The following USP25 variants were observed in gnomAD, a reference collection of about 807,000 sequenced individuals.
The protein encoded by USP25 is ubiquitin specific peptidase 25.
USP25 carries 85 observed loss-of-function variants against 158.5 expected under a neutral mutation model. The observed-to-expected ratio is 0.54, with a 90% CI of 0.45 to 0.64. The LOEUF (loss-of-function observed/expected upper bound fraction) is 0.64. Among genes scored for constraint, USP25 ranks in the 30% least tolerant of loss-of-function variants. The pLI is 0.00. For missense variants in USP25, 1,242 were observed against 1,327.3 expected (o/e 0.94, Z 1.00); for synonymous variants, 464 against 460.4 (o/e 1.01, Z -0.10).
chr21:15,743,150 G>A (rs543479617), intron 1 of USP25, among the ~76,000 whole-genome samples: 2 of 152,182 alleles, frequency 1.3e-5, no homozygotes, highest in Non-Finnish European at 2.9e-5. Context: ...TGTGAATGGG[G>A]GTGTATTATG....
Position 15,836,825 on chromosome 21 carries a change from T to G in USP25, c.2194+3277T>G, listed in dbSNP as rs924613557. 5.1e-5 allele frequency among the ~76,000 whole-genome samples: 7 copies of G among 136,274 alleles called. No homozygotes were observed. The East Asian group carries it at 1.2e-3, about 23-fold the overall frequency. The allele number at this position is 136,274 out of a possible 152,430, so 89.4% of individuals were successfully genotyped here. A position where few individuals can be genotyped will look rare whatever the true frequency, so the allele number is the denominator to read the frequency against. On this transcript the variant is annotated intron_variant, in intron 17 of 25. Coordinates refer to ENST00000400183, the MANE Select transcript of USP25 (RefSeq NM_001283041.3). ...TGTTGAGATTTTCAGCCAGCCATCC[T>G]TTGCTGTCAGTGTGTGGATCAGAAT...
chr21:15,739,875 C>CT (rs1367634329), intron 1 of USP25, among the ~76,000 whole-genome samples: 1 of 152,144 alleles, frequency 6.6e-6, no homozygotes, highest in African/African-American at 2.4e-5. Context: ...TTTTGGCAGA[C>CT]TTTAATTAAT....
intron 20 of USP25, among the ~76,000 whole-genome samples, chr21:15,853,171 A>G (rs2038966359): frequency 6.6e-6 from 1 of 152,144 alleles, no homozygotes; most frequent in Non-Finnish European, 1.5e-5. Flanking sequence ...TTTTTAATGT[A>G]GATTTTACTG....
At chr21:15,795,979 C>A (rs2035844045) in intron 5 of USP25, among the ~76,000 whole-genome samples, 1 of 151,492 alleles carries the variant, frequency 6.6e-6, no homozygotes, top group African/African-American at 2.4e-5. Flanking sequence ...GCCATCACTT[C>A]TTTCTTTTTC....
intron 6 of USP25, among the ~76,000 whole-genome samples, chr21:15,803,615 C>T (rs1847289063): frequency 6.6e-6 from 1 of 151,844 alleles, no homozygotes; most frequent in African/African-American, 2.4e-5. Flanking sequence ...ATATGCTTCT[C>T]AGCAGAATTC....
chr21:15,801,039 A>T (rs2036108785), intron 6 of USP25, among the ~76,000 whole-genome samples: 1 of 151,642 alleles, frequency 6.6e-6, no homozygotes, highest in South Asian at 2.1e-4. Flanking sequence ...GAACTTTCTG[A>T]ACTATTGCCT....
intron 22 of USP25, among the ~76,000 whole-genome samples, 153 bp from the exon 23 acceptor site, chr21:15,869,915 A>G (rs2248859): frequency 0.14 from 21,116 of 152,206 alleles, 1,520 homozygotes; most frequent in East Asian, 0.18. Flanking sequence ...GCCAGAAAGT[A>G]AAGTCTTGTT....
chr21:15,811,326 T>G (rs1020454745), intron 9 of USP25, 116 bp downstream of exon 9: 2 of 931,692 alleles, frequency 2.1e-6, no homozygotes, highest in Non-Finnish European at 3.2e-6. Context: ...ATATTCTGTC[T>G]AGTAATTTTT....
At chr21:15,830,495 T>C in intron 14 of USP25, 36 bp from the exon 15 acceptor site, 1 of 1,542,870 alleles carries the variant, frequency 6.5e-7, no homozygotes, top group Non-Finnish European at 8.8e-7. Context: ...GAAACACATT[T>C]GCTGTTAATC....
chr21:15,864,501 C>G, intron 21 of USP25, 55 bp downstream of exon 21: 1 of 1,425,376 alleles, frequency 7.0e-7, no homozygotes. Context: ...TTTTTTCCTG[C>G]AGATTCCCAG....
At chr21:15,830,475 C>A in intron 14 of USP25, 56 bp from the exon 15 acceptor site, 1 of 1,477,778 alleles carries the variant, frequency 6.8e-7, no homozygotes, top group South Asian at 1.3e-5. Context: ...TAGTCCTTAT[C>A]TTATAAGTAG....
intron 16 of USP25, among the ~76,000 whole-genome samples, chr21:15,832,495 ATACTC>A (rs953984661): frequency 2.0e-4 from 31 of 152,310 alleles, no homozygotes; most frequent in African/African-American, 6.0e-4. Context: ...ATTCTTCTGA[ATACTC>A]TATTGTTTTT....
chr21:15,730,522 CGCCGCCGCCGCCTTCCCGGGCTT>C (rs2030701708), intron 1 of USP25, 84 bp downstream of exon 1: 11 of 1,268,404 alleles, frequency 8.7e-6, no homozygotes, highest in Non-Finnish European at 1.1e-5. Context: ...GCCCCGGCCT[CGCCGCCGCCGCCTTCCCGGGCTT>C]CCTCCCCGGT....
rs1185899722 is a variant in USP25 at position 15,777,910 on chromosome 21, T to C, written c.275T>C (p.Ile92Thr). The change falls in exon 4 of 26, where the codon ATT becomes ACT. Residue 92 changes from isoleucine (I) to threonine (T), a missense_variant. Physicochemically the swap from Ile to Thr is moderately conservative, Grantham distance 89. This residue lies in a region of USP25 where 627 missense variants were observed against 701.4 expected (regional missense o/e 0.89). Coordinates refer to ENST00000400183, the MANE Select transcript of USP25 (RefSeq NM_001283041.3). The stretch of plus-strand genomic sequence containing the variant: ...AGATAGTTTTGCTTTTCAGATGTGA[T>C]TGATCTCACTGGAGATGATAAAGAT... ...SVGSQADTNV[I>T]DLTGDDKDDL... 1 of 1,590,336 alleles carries C rather than the reference T, an allele frequency of 6.3e-7. No individual in the cohort carries two copies. The highest frequency in any genetic ancestry group is 8.5e-7 in the Non-Finnish European group (1 of 1,173,284).
chr21:15,827,965 AT>A (rs936942746), intron 14 of USP25, among the ~76,000 whole-genome samples: 2 of 151,174 alleles, frequency 1.3e-5, no homozygotes, highest in African/African-American at 2.4e-5. Context: ...ATTTTATTAC[AT>A]TTTTTTCCTT....
intron 8 of USP25, among the ~76,000 whole-genome samples, chr21:15,809,881 G>A (rs1173905852): frequency 1.3e-5 from 2 of 152,102 alleles, no homozygotes; most frequent in East Asian, 1.9e-4. Flanking sequence ...ATTATGCCAC[G>A]TGAAAGAAGC....
At chr21:15,845,560 C>T (rs964321959) in intron 18 of USP25, among the ~76,000 whole-genome samples, 1 of 152,154 alleles carries the variant, frequency 6.6e-6, no homozygotes, top group Non-Finnish European at 1.5e-5. Context: ...TCAATAGTAA[C>T]TGAAAAGGTT....
chr21:15,844,066 G>T (rs936061056), intron 18 of USP25, among the ~76,000 whole-genome samples: 1 of 152,124 alleles, frequency 6.6e-6, no homozygotes, highest in East Asian at 1.9e-4. Context: ...ATGACAGGGA[G>T]ACTATATGAT....
intron 22 of USP25, among the ~76,000 whole-genome samples, chr21:15,869,418 A>G (rs374600528): frequency 1.3e-5 from 2 of 152,176 alleles, no homozygotes; most frequent in Admixed American, 6.5e-5. Context: ...GTCAATTATT[A>G]TAAAGTAAGC....
Sources: gnomAD v4.1 joint callset for allele counts (sites outside exome capture counted in the v4.1 genomes callset) on GRCh38, gnomAD v4.1.1 for gene constraint, gnomAD v4.1.1 regional missense constraint, MANE v1.5 for transcripts, NCBI Gene and HGNC (gene_info 2026-07-23, HGNC 2026-07-21) for gene names.